Variants in NF2 observed in about 807,000 individuals in gnomAD.
NF2 encodes merlin.
Under a neutral mutation model 83.7 loss-of-function variants are expected in NF2, and 8 were observed. That is an observed-to-expected ratio of 0.10 (90% CI 0.06 to 0.17). NF2 has a LOEUF of 0.17. Ranked by LOEUF, NF2 falls within the 10% of genes least tolerant of loss-of-function variation. The pLI is 1.00. For missense variants in NF2, 533 were observed against 744.4 expected (o/e 0.72, Z 3.31); for synonymous variants, 266 against 269.6 (o/e 0.99, Z 0.13).
chr22:29,634,081 AG>A (rs1369211628), intron 1 of NF2, among the ~76,000 whole-genome samples: 1 of 152,174 alleles, frequency 6.6e-6, no homozygotes, highest in South Asian at 2.1e-4. Context: ...ACAGGAAAAG[AG>A]GCACTCTAGG....
In NF2 at chr22:29,695,292, C is replaced by A; in HGVS notation, c.*490C>A. The stretch of plus-strand genomic sequence containing the variant: ...GCAGCCCAGCCCGGCGGATCCCAGG[C>A]CAGCACGCCTGCCGGCTTCTCATCG... On this transcript the variant is annotated 3_prime_UTR_variant, in exon 16 of 16. Transcript: ENST00000338641. The surrounding 1 kb of genome is among the most constrained non-coding windows in gnomAD (Gnocchi z 5.4). 3.5e-6 allele frequency: 1 copy of A among 284,152 alleles called. No individual in the cohort carries two copies. The highest frequency in any genetic ancestry group is 8.5e-5 in the South Asian group (1 of 11,826). 17.6% of individuals were successfully genotyped at this position (284,152 alleles called of 1,614,324 possible).
At chr22:29,624,508 A>G (rs2065292177) in intron 1 of NF2, among the ~76,000 whole-genome samples, 1 of 152,064 alleles carries the variant, frequency 6.6e-6, no homozygotes. Context: ...GTGCCTGGCC[A>G]GGGTTGTTTT....
At chr22:29,668,158 T>G in intron 9 of NF2, among the ~76,000 whole-genome samples, 175 bp from the exon 10 acceptor site, 1 of 152,206 alleles carries the variant, frequency 6.6e-6, no homozygotes. Context: ...TTTGCATGTT[T>G]CCAGAGCTGA....
At chr22:29,647,893 A>G (rs1479428231) in intron 4 of NF2, among the ~76,000 whole-genome samples, 1 of 152,132 alleles carries the variant, frequency 6.6e-6, no homozygotes. Flanking sequence ...AGATCCTTTT[A>G]TGTGATTCCT....
intron 1 of NF2, among the ~76,000 whole-genome samples, chr22:29,605,617 C>A (rs1393449200): frequency 1.3e-5 from 2 of 151,986 alleles, no homozygotes; most frequent in South Asian, 2.1e-4. Context: ...CCCAAAAATT[C>A]TTTTTTTAAA....
intron 7 of NF2, among the ~76,000 whole-genome samples, chr22:29,660,334 A>G (rs534732398): frequency 2.6e-5 from 4 of 152,326 alleles, no homozygotes; most frequent in African/African-American, 9.6e-5. Flanking sequence ...TGTATTTCCC[A>G]TCATGCAATT....
chr22:29,639,368 C>T (rs1476833247), intron 3 of NF2, among the ~76,000 whole-genome samples, 156 bp downstream of exon 3: 1 of 152,136 alleles, frequency 6.6e-6, no homozygotes. Flanking sequence ...AAAAAGGCTT[C>T]AGAACAGAAC....
At chr22:29,609,606 T>C in intron 1 of NF2, 1 of 197,622 alleles carries the variant, frequency 5.1e-6, no homozygotes. Flanking sequence ...TTCTGCGTTT[T>C]TGAGCAGTTA....
chr22:29,665,002 C>T lies in NF2; in HGVS notation c.823C>T (p.Pro275Ser). The T allele has an allele frequency of 6.2e-7, 1 of 1,611,530 alleles. No individual in the cohort carries two copies. The highest frequency in any genetic ancestry group is 8.5e-7 in the Non-Finnish European group (1 of 1,177,696). The change falls in exon 9 of 16, where the codon CCA (proline) becomes TCA (serine). Residue 275 changes from proline to serine, a missense_variant. Around this residue, in one of 3 missense-constraint regions of NF2, gnomAD observed 326 missense variants for 475.1 expected, o/e 0.69. Coordinates refer to ENST00000338641, the MANE Select transcript of NF2 (RefSeq NM_000268.4). ...SYSDKEFTIK[P>S]LDKKIDVFKF... Reference sequence around the variant, plus strand: ...TTCATTCTTCCAGTTTACTATTAAACCACTGGATAAGAAAATTGATGTCTT... The same window carrying T: ...TTCATTCTTCCAGTTTACTATTAAATCACTGGATAAGAAAATTGATGTCTT...
intron 4 of NF2, among the ~76,000 whole-genome samples, chr22:29,643,597 AG>A (rs1225097563): frequency 1.3e-5 from 2 of 152,198 alleles, no homozygotes; most frequent in Non-Finnish European, 2.9e-5. Flanking sequence ...CAGAGAGCAC[AG>A]GGTTGGGGGT....
intron 1 of NF2, chr22:29,608,980 G>A (rs1301038933): frequency 1.6e-6 from 1 of 637,806 alleles, no homozygotes; most frequent in Non-Finnish European, 2.9e-6. Context: ...CTGGATGCTA[G>A]ACTCTGGGGT....
At chr22:29,620,240 C>G (rs1248337433) in intron 1 of NF2, among the ~76,000 whole-genome samples, 1 of 151,882 alleles carries the variant, frequency 6.6e-6, no homozygotes, top group Non-Finnish European at 1.5e-5. Context: ...GCCTGGGCGA[C>G]AAGAGCGAGA....
intron 8 of NF2, among the ~76,000 whole-genome samples, chr22:29,662,052 A>G (rs2066493276): frequency 6.6e-6 from 1 of 152,242 alleles, no homozygotes; most frequent in South Asian, 2.1e-4. Context: ...AAAAGGTCCC[A>G]TAATGTATAA....
chr22:29,647,206 C>T (rs1295004097), intron 4 of NF2, among the ~76,000 whole-genome samples: 1 of 152,046 alleles, frequency 6.6e-6, no homozygotes. Context: ...ATTTATGAAT[C>T]TCATGTTGCT....
intron 1 of NF2, among the ~76,000 whole-genome samples, chr22:29,615,806 C>T (rs919635704): frequency 6.6e-6 from 1 of 152,146 alleles, no homozygotes; most frequent in African/African-American, 2.4e-5. Flanking sequence ...TATAACCCCA[C>T]AATTCAACTT....
At position 29,696,138 on chromosome 22, in the gene NF2, A is replaced by G. The variant is rs2067547561; in HGVS notation, c.*1336A>G. 1 of 222,570 alleles carries G rather than the reference A, an allele frequency of 4.5e-6. No individual in the cohort carries two copies. The highest frequency in any genetic ancestry group is 8.8e-6 in the Non-Finnish European group (1 of 114,056). 13.8% of individuals were successfully genotyped at this position (222,570 alleles called of 1,614,324 possible). A position where few individuals can be genotyped will look rare whatever the true frequency, so the allele number is the denominator to read the frequency against. ...ACCCAGGTGGGAGTGTGGTGGCACA[A>G]TCTCGGCTCACTGCAACCTCCACCT... On this transcript the variant is annotated 3_prime_UTR_variant, in exon 16 of 16. Transcript: ENST00000338641.
intron 10 of NF2, 65 bp downstream of exon 10, chr22:29,668,511 G>A (rs1441467834): frequency 3.2e-6 from 4 of 1,244,122 alleles, no homozygotes; most frequent in South Asian, 2.5e-5. Context: ...GGGAGGCGAG[G>A]AGTGGTCATG....
Position 29,694,768 on chromosome 22 carries a change from C to G in NF2, c.1754C>G (p.Ala585Gly). The change falls in exon 16 of 16, where the codon GCC becomes GGC. Residue 585 changes from alanine (A) to glycine (G), a missense_variant. Ala to Gly is a moderately conservative substitution (Grantham distance 60, BLOSUM62 0). Transcript: ENST00000338641. This position sits in a 1 kb window ranked among gnomAD's most constrained non-coding sequence, Gnocchi z 4.1. ...NTIKKLTLQSAKSRVAFFEEL is the reference protein window; with the variant it reads ...NTIKKLTLQSGKSRVAFFEEL ...TTCTTACAGCTCACCTTGCAGAGCG[C>G]CAAGTCCCGAGTGGCCTTCTTTGAA... 1 of 1,613,880 alleles carries G rather than the reference C, an allele frequency of 6.2e-7. No individual in the cohort carries two copies. The highest frequency in any genetic ancestry group is 1.3e-5 in the African/African-American group (1 of 75,032).
At chr22:29,609,929 G>A (rs1342472786) in intron 1 of NF2, among the ~76,000 whole-genome samples, 1 of 151,796 alleles carries the variant, frequency 6.6e-6, no homozygotes, top group Non-Finnish European at 1.5e-5. Flanking sequence ...TTTCTATTTC[G>A]TGTTATGTGT....
Sources: allele counts gnomAD v4.1 joint callset (sites outside exome capture counted in the v4.1 genomes callset), GRCh38; gene constraint gnomAD v4.1.1; regional missense constraint gnomAD v4.1.1; non-coding constraint Gnocchi (gnomAD v3.1); transcripts MANE v1.5; gene names NCBI Gene and HGNC (gene_info 2026-07-23, HGNC 2026-07-21).